The following IL1RAPL2 variants were observed in gnomAD, a reference collection of about 807,000 sequenced individuals.
IL1RAPL2 encodes the protein X-linked interleukin-1 receptor accessory protein-like 2.
IL1RAPL2 carries 3 observed loss-of-function variants against 44.1 expected under a neutral mutation model. The observed-to-expected ratio is 0.07, with a 90% CI of 0.03 to 0.18. The LOEUF (loss-of-function observed/expected upper bound fraction) is 0.18, where lower values mean the gene tolerates loss of function less well. IL1RAPL2 is among the 10% of genes least tolerant of loss of function. IL1RAPL2 has a pLI of 1.00. For missense variants in IL1RAPL2, 391 were observed against 496.4 expected (o/e 0.79, Z 2.02); for synonymous variants, 181 against 178.8 (o/e 1.01, Z -0.10).
At chrX:105,108,462 C>A (rs1162009758) in intron 2 of IL1RAPL2, among the ~76,000 whole-genome samples, 4 of 106,764 alleles carry the variant, frequency 3.7e-5, no homozygotes, top group African/African-American at 6.9e-5. Flanking sequence ...TCCTGAGTAG[C>A]TGGGACTACA....
At chrX:104,944,825 G>A (rs918205319) in intron 2 of IL1RAPL2, among the ~76,000 whole-genome samples, 2 of 111,600 alleles carry the variant, frequency 1.8e-5, no homozygotes, top group Admixed American at 1.9e-4. Flanking sequence ...AGACATTAAT[G>A]TGTGCTGGAC....
chrX:105,169,492 CTTTT>C (rs748101220), intron 2 of IL1RAPL2, among the ~76,000 whole-genome samples: 12 of 41,559 alleles, frequency 2.9e-4, no homozygotes, highest in African/African-American at 1.7e-3. Flanking sequence ...TTCTTTCTTT[CTTTT>C]TTTTTTTTTT....
intron 4 of IL1RAPL2, among the ~76,000 whole-genome samples, chrX:105,252,249 G>C (rs1188845902): frequency 9.0e-6 from 1 of 111,211 alleles, no homozygotes; most frequent in Non-Finnish European, 1.9e-5. Flanking sequence ...TCTATGTTAT[G>C]ACATATATCA....
At chrX:104,597,707 AAAG>A (rs1394514150) in intron 1 of IL1RAPL2, among the ~76,000 whole-genome samples, 1 of 110,043 alleles carries the variant, frequency 9.1e-6, no homozygotes, top group African/African-American at 3.3e-5. Flanking sequence ...TCCTTCCCCT[AAAG>A]AAGAAGAATA....
chrX:104,842,216 G>A (rs189400161), intron 2 of IL1RAPL2, among the ~76,000 whole-genome samples: 8 of 109,424 alleles, frequency 7.3e-5, no homozygotes, highest in East Asian at 2.9e-4. Flanking sequence ...CGAAGTTCTC[G>A]TGCTGTGTTT....
chrX:104,731,459 G>T (rs1931916797), intron 2 of IL1RAPL2, among the ~76,000 whole-genome samples: 1 of 111,498 alleles, frequency 9.0e-6, no homozygotes, highest in Admixed American at 9.6e-5. Flanking sequence ...CTGGAATGCA[G>T]TGGCGCAGTC....
chrX:105,439,718 G>A (rs909553108), intron 5 of IL1RAPL2, among the ~76,000 whole-genome samples: 1 of 111,565 alleles, frequency 9.0e-6, no homozygotes, highest in African/African-American at 3.3e-5. Context: ...GGCCCAGAGC[G>A]ATGTTTTGTA....
intron 6 of IL1RAPL2, among the ~76,000 whole-genome samples, chrX:105,701,096 C>T (rs1302830963): frequency 9.0e-6 from 1 of 111,307 alleles, no homozygotes; most frequent in Non-Finnish European, 1.9e-5. Context: ...GAAAAACTAT[C>T]TGCTATTCCT....
At chrX:105,272,795 G>T (rs190254470) in intron 5 of IL1RAPL2, among the ~76,000 whole-genome samples, 4 of 112,377 alleles carry the variant, frequency 3.6e-5, no homozygotes, top group Admixed American at 9.4e-5. Context: ...AAGTTTAATT[G>T]TAGTGCCTTG....
chrX:105,355,798 C>T (rs1170142868), intron 5 of IL1RAPL2, among the ~76,000 whole-genome samples: 1 of 111,596 alleles, frequency 9.0e-6, no homozygotes, highest in African/African-American at 3.3e-5. Context: ...TATAGCACCA[C>T]ACACATAGGC....
intron 2 of IL1RAPL2, among the ~76,000 whole-genome samples, chrX:105,028,896 C>G (rs186642107): frequency 9.1e-6 from 1 of 110,231 alleles, no homozygotes; most frequent in South Asian, 3.8e-4. Context: ...TGAGGGGTTA[C>G]GAGCATAAAT....
chrX:105,114,566 C>T (rs979184916), intron 2 of IL1RAPL2, among the ~76,000 whole-genome samples: 3 of 62,082 alleles, frequency 4.8e-5, no homozygotes, highest in Non-Finnish European at 6.5e-5. Flanking sequence ...CTTTCCTACT[C>T]ATCCACCTTG....
chrX:105,753,232 T>A (rs1345473971), intron 9 of IL1RAPL2, among the ~76,000 whole-genome samples: 6 of 111,145 alleles, frequency 5.4e-5, no homozygotes, highest in Non-Finnish European at 1.1e-4. Context: ...TCTGGTCAGA[T>A]GGGTAAAGAA....
intron 2 of IL1RAPL2, among the ~76,000 whole-genome samples, chrX:104,964,610 C>T (rs955503635): frequency 7.3e-5 from 8 of 110,329 alleles, no homozygotes; most frequent in African/African-American, 2.6e-4. Context: ...CGTGCCCAGC[C>T]GATTTATTTC....
intron 5 of IL1RAPL2, among the ~76,000 whole-genome samples, chrX:105,453,028 G>C (rs779901126): frequency 6.2e-5 from 7 of 112,421 alleles, no homozygotes; most frequent in African/African-American, 2.3e-4. Flanking sequence ...ATTGTAGAAA[G>C]TCTTTAAATG....
chrX:105,673,145 A>G (rs2037838838), intron 6 of IL1RAPL2, among the ~76,000 whole-genome samples: 2 of 111,829 alleles, frequency 1.8e-5, no homozygotes, highest in East Asian at 2.8e-4. Context: ...CTATCTTCCC[A>G]GAAGCATAAG....
Position 104,675,137 on chromosome X carries a change from C to T in IL1RAPL2, c.82+16142C>T, listed in dbSNP as rs1294973359. ...GTTCTTAGTTATTTCTTGCCTTCTG[C>T]TAGCTTTTGAATGTGTTTGCTCTTG... On this transcript the variant is annotated intron_variant, in intron 2 of 10. Coordinates refer to ENST00000372582, the MANE Select transcript of IL1RAPL2 (RefSeq NM_017416.2). Among the ~76,000 whole-genome samples, 8 of 111,153 alleles carry T rather than the reference C, an allele frequency of 7.2e-5. No individual in the cohort carries two copies. The East Asian group carries it at 2.0e-3, about 27-fold the overall frequency.
At chrX:105,234,712 G>T (rs1299411987) in intron 4 of IL1RAPL2, among the ~76,000 whole-genome samples, 1 of 109,350 alleles carries the variant, frequency 9.1e-6, no homozygotes, top group Non-Finnish European at 1.9e-5. Flanking sequence ...GAAGGCTGAG[G>T]CAGGAGAACC....
chrX:104,941,330 G>C (rs1329602470), intron 2 of IL1RAPL2, among the ~76,000 whole-genome samples: 1 of 111,449 alleles, frequency 9.0e-6, no homozygotes. Context: ...CAGTATAAAA[G>C]TGTTCCTATT....
Sources: gnomAD v4.1 joint callset for allele counts (sites outside exome capture counted in the v4.1 genomes callset) on GRCh38, gnomAD v4.1.1 for gene constraint, MANE v1.5 for transcripts, NCBI Gene and HGNC (gene_info 2026-07-23, HGNC 2026-07-21) for gene names.